The following ARMCX4 variants were observed in gnomAD, a reference collection of about 807,000 sequenced individuals.
ARMCX4 encodes armadillo repeat containing X-linked 4, also known as armadillo repeat-containing X-linked protein 4.
In ARMCX4, 3 loss-of-function variants were observed where a neutral mutation model predicts 34.7. That is an observed-to-expected ratio of 0.09 (90% CI 0.04 to 0.22). ARMCX4 has a LOEUF of 0.22. Ranked by LOEUF, ARMCX4 falls within the 10% of genes least tolerant of loss-of-function variation. The pLI is 1.00. For missense variants in ARMCX4, 1,448 were observed against 1,720.8 expected (o/e 0.84, Z 2.81); for synonymous variants, 513 against 632.8 (o/e 0.81, Z 2.84).
chrX:101,506,978 T>G (rs1387215871), intron 8 of ARMCX4, among the ~76,000 whole-genome samples: 1 of 111,700 alleles, frequency 9.0e-6, no homozygotes, highest in Non-Finnish European at 1.9e-5. Context: ...TTATATTTTT[T>G]ATTAACTATT....
chrX:101,519,308 A>G (rs1445932247), intron 11 of ARMCX4, among the ~76,000 whole-genome samples: 1 of 111,007 alleles, frequency 9.0e-6, no homozygotes, highest in Non-Finnish European at 1.9e-5. Context: ...ATATCCATTG[A>G]ACAGCAACTC....
chrX:101,531,615 TA>T (rs1180813188), intron 11 of ARMCX4: 1 of 111,957 alleles, frequency 8.9e-6, no homozygotes, highest in African/African-American at 3.2e-5. Flanking sequence ...CAAATAGTCA[TA>T]TTTTTATGTC....
At chrX:101,439,593 C>T (rs1422779956) in intron 2 of ARMCX4, among the ~76,000 whole-genome samples, 14 of 112,074 alleles carry the variant, frequency 1.2e-4, no homozygotes, top group Admixed American at 1.9e-4. Flanking sequence ...GTTCCATTCT[C>T]CCCGTCACTT....
chrX:101,447,275 C>T (rs1931705630), downstream of ARMCX4, among the ~76,000 whole-genome samples: 1 of 112,581 alleles, frequency 8.9e-6, no homozygotes, highest in Non-Finnish European at 1.9e-5. Flanking sequence ...AATTAGCATA[C>T]ACTTTTAGAG....
Position 101,490,847 on chromosome X carries a change from T to C in ARMCX4, c.2258T>C (p.Val753Ala), listed in dbSNP as rs1933945815. The C allele has an allele frequency of 6.3e-6, 7 of 1,110,915 alleles. No individual in the cohort carries two copies. In the East Asian group the frequency reaches 2.4e-4, roughly 38 times the overall value. 91.6% of individuals were successfully genotyped at this position (1,110,915 alleles called of 1,213,427 possible). The change falls in exon 6 of 6, where the codon GTG becomes GCG. Residue 753 changes from valine to alanine, a missense_variant. Coordinates refer to ENST00000423738, the MANE Select transcript of ARMCX4 (RefSeq NM_001256155.3). ...ACAGACTCTGCCCGGCTCCAGGCTG[T>C]GGCCAATTCTCAGGGTGAGGTCTTG... ...YTTDSARLQA[V>A]ANSQGEVLPG...
chrX:101,518,879 T>A (rs1934795594), intron 11 of ARMCX4, among the ~76,000 whole-genome samples: 1 of 110,760 alleles, frequency 9.0e-6, no homozygotes, highest in Admixed American at 9.6e-5. Context: ...ATATTTTATT[T>A]TATATTTATA....
Position 101,492,716 on chromosome X carries a change from C to A in ARMCX4, c.4127C>A (p.Ala1376Asp). The change falls in exon 6 of 6, where the codon GCC becomes GAC. Residue 1376 changes from alanine to aspartate, a missense_variant. Around this residue, in one of 2 missense-constraint regions of ARMCX4, gnomAD observed 1,343 missense variants for 1,540.7 expected, o/e 0.87. Coordinates refer to ENST00000423738, the MANE Select transcript of ARMCX4 (RefSeq NM_001256155.3). Reference sequence around the variant, plus strand: ...CACGTAGATCAGTCCAGTGGTGGGGCCTGGGCTGGGACACTTGATCAGTCT... The same window carrying A: ...CACGTAGATCAGTCCAGTGGTGGGGACTGGGCTGGGACACTTGATCAGTCT... ...LGHVDQSSGGAWAGTLDQSGG... is the reference protein window; with the variant it reads ...LGHVDQSSGGDWAGTLDQSGG... The A allele has an allele frequency of 1.8e-6, 2 of 1,127,210 alleles. No homozygotes were observed. Among genetic ancestry groups the A allele is most frequent in the Middle Eastern group, 2.4e-4 (1 of 4,182 alleles). The allele number at this position is 1,127,210 out of a possible 1,213,427, so 92.9% of individuals were successfully genotyped here.
intron 11 of ARMCX4, among the ~76,000 whole-genome samples, chrX:101,527,425 A>G (rs1556020904): frequency 8.9e-6 from 1 of 111,765 alleles, no homozygotes; most frequent in Non-Finnish European, 1.9e-5. Context: ...AAAGAACTAG[A>G]GAAGCAAAAG....
intron 2 of ARMCX4, among the ~76,000 whole-genome samples, chrX:101,425,052 C>G (rs1384813855): frequency 1.8e-5 from 2 of 111,521 alleles, no homozygotes; most frequent in Non-Finnish European, 3.8e-5. Flanking sequence ...TGCAGGAGAT[C>G]AAAGAAGGAG....
Position 101,495,586 on chromosome X carries a change from C to A in ARMCX4, c.*124C>A. On this transcript the variant is annotated 3_prime_UTR_variant, in exon 6 of 6. Transcript: ENST00000423738. The stretch of plus-strand genomic sequence containing the variant: ...TACCTATGATGGTCTATAGCTGGAC[C>A]ATTTTATGAACACCAAATGAATTCA... 1.6e-6 allele frequency: 1 copy of A among 634,314 alleles called. No homozygotes were observed. The highest frequency in any genetic ancestry group is 2.2e-6 in the Non-Finnish European group (1 of 455,120). The allele number at this position is 634,314 out of a possible 1,213,427, so 52.3% of individuals were successfully genotyped here.
In ARMCX4 at chrX:101,489,316, G is replaced by A. The variant is rs1556007866; in HGVS notation, c.727G>A (p.Val243Met). The A allele has an allele frequency of 9.5e-6, 11 of 1,155,706 alleles. No homozygotes were observed. Among genetic ancestry groups the A allele is most frequent in the Non-Finnish European group, 1.0e-5 (9 of 872,683 alleles). Reference protein sequence around the residue: ...ETKTRALEETVSVAKTQSEAR... With the variant: ...ETKTRALEETMSVAKTQSEAR... ...CAAGACAAGAGCTCTGGAAGAGACT[G>A]TGAGTGTGGCTAAGACTCAGTCTGA... Residue 243 changes from valine to methionine, a missense_variant, in exon 6 of 6, where the codon GTG becomes ATG. This residue lies in a region of ARMCX4 where 1,343 missense variants were observed against 1,540.7 expected (regional missense o/e 0.87). Coordinates refer to ENST00000423738, the MANE Select transcript of ARMCX4 (RefSeq NM_001256155.3).
At chrX:101,511,165 TTTGA>T (rs1934572308) in intron 11 of ARMCX4, 1 of 111,657 alleles carries the variant, frequency 9.0e-6, no homozygotes, top group Non-Finnish European at 1.9e-5. Context: ...GTATTAGCAC[TTTGA>T]TTGTTTCTTC....
At position 101,492,112 on chromosome X, in the gene ARMCX4, G is replaced by A; in HGVS notation, c.3523G>A (p.Val1175Ile). ...GGCTGGGGCCAGGGCTGAGAATGTGGTTGGTATTGGGACTTGGGCTAGAGC... is the reference window on the plus strand; with the variant it reads ...GGCTGGGGCCAGGGCTGAGAATGTGATTGGTATTGGGACTTGGGCTAGAGC... ...SWAGARAENV[V>I]GIGTWARAGE... The change falls in exon 6 of 6, where the codon GTT (valine) becomes ATT (isoleucine). Residue 1175 changes from valine to isoleucine, a missense_variant. Val to Ile is a conservative substitution (Grantham distance 29). This residue lies in a region of ARMCX4 where 1,343 missense variants were observed against 1,540.7 expected (regional missense o/e 0.87). Transcript: ENST00000423738. 7 of 1,153,807 alleles carry A rather than the reference G, an allele frequency of 6.1e-6. No homozygotes were observed. Among genetic ancestry groups the A allele is most frequent in the Non-Finnish European group, 8.0e-6 (7 of 871,607 alleles).
chrX:101,434,625 T>C (rs1930570660), intron 2 of ARMCX4, among the ~76,000 whole-genome samples: 1 of 110,512 alleles, frequency 9.0e-6, no homozygotes, highest in South Asian at 3.8e-4. Flanking sequence ...TCTATTCAAT[T>C]TATTTATTTA....
intron 11 of ARMCX4, among the ~76,000 whole-genome samples, chrX:101,519,701 T>C (rs1203826661): frequency 3.6e-5 from 4 of 111,803 alleles, no homozygotes; most frequent in Non-Finnish European, 7.5e-5. Context: ...GTAGAATTGC[T>C]GGATCATATG....
chrX:101,449,681 G>A (rs1364453979), downstream of ARMCX4, among the ~76,000 whole-genome samples: 4 of 112,007 alleles, frequency 3.6e-5, no homozygotes, highest in Non-Finnish European at 7.5e-5. Flanking sequence ...CTAAAAGATA[G>A]CATGTCTCTT....
chrX:101,468,509 T>C (rs181921866), intron 4 of ARMCX4, among the ~76,000 whole-genome samples: 2 of 110,622 alleles, frequency 1.8e-5, no homozygotes, highest in Admixed American at 1.9e-4. Flanking sequence ...CCCAGGCTAG[T>C]CTCTAACTAG....
At chrX:101,427,032 A>G (rs1038600499) in intron 2 of ARMCX4, among the ~76,000 whole-genome samples, 1 of 111,573 alleles carries the variant, frequency 9.0e-6, no homozygotes, top group Admixed American at 9.6e-5. Flanking sequence ...GCTTATTTGA[A>G]CCCTATGTTA....
chrX:101,432,762 G>A (rs868947604), intron 2 of ARMCX4, among the ~76,000 whole-genome samples: 1 of 82,652 alleles, frequency 1.2e-5, no homozygotes, highest in East Asian at 3.7e-4. Context: ...GTATATACAC[G>A]TATATATGTA....
Sources: gnomAD v4.1 joint callset for allele counts (sites outside exome capture counted in the v4.1 genomes callset) on GRCh38, gnomAD v4.1.1 for gene constraint, gnomAD v4.1.1 regional missense constraint, MANE v1.5 for transcripts, NCBI Gene and HGNC (gene_info 2026-07-23, HGNC 2026-07-21) for gene names.